The following PCDHGA3 variants were observed in gnomAD, a reference collection of about 807,000 sequenced individuals.
PCDHGA3 encodes protocadherin gamma-A3.
In PCDHGA3, 40 loss-of-function variants were observed where a neutral mutation model predicts 58.5. The ratio of observed to expected loss-of-function variants is 0.68; its 90% CI spans 0.53 to 0.89. PCDHGA3 has a LOEUF of 0.89. PCDHGA3 is among the 40% of genes least tolerant of loss of function. PCDHGA3 has a pLI of 0.00. For missense variants in PCDHGA3, 1,223 were observed against 1,195.9 expected, an observed-to-expected ratio of 1.02 and a Z score of -0.33; for synonymous variants, 530 against 525.7, an observed-to-expected ratio of 1.01 and a Z score of -0.11.
At chr5:141,398,071 G>C in intron 1 of PCDHGA3, 1 of 1,587,000 alleles carries the variant, frequency 6.3e-7, no homozygotes, top group South Asian at 1.1e-5. Context: ...ACAATACAGA[G>C]GTTATTTGTA....
At chr5:141,471,892 T>C (rs1429425311) in intron 1 of PCDHGA3, among the ~76,000 whole-genome samples, 1 of 152,166 alleles carries the variant, frequency 6.6e-6, no homozygotes, top group Admixed American at 6.6e-5. Context: ...GCTAGGAAGA[T>C]TGACTACAGA....
At chr5:141,399,722 A>G in intron 1 of PCDHGA3, 4 of 1,613,264 alleles carry the variant, frequency 2.5e-6, no homozygotes, top group Non-Finnish European at 3.4e-6. Context: ...CAGGCCCGCG[A>G]CCAGGGCTCG....
chr5:141,489,148 C>G lies in PCDHGA3; in HGVS notation c.2425-5659C>G. 1 of 895,318 alleles carries G rather than the reference C, an allele frequency of 1.1e-6. No individual in the cohort carries two copies. Among genetic ancestry groups the G allele is most frequent in the Non-Finnish European group, 1.7e-6 (1 of 589,254 alleles). The allele number at this position is 895,318 out of a possible 1,614,324, so 55.5% of individuals were successfully genotyped here. A position where few individuals can be genotyped will look rare whatever the true frequency, so the allele number is the denominator to read the frequency against. ...CAGTTTTTAAGAGGCTGGAAGGAGA[C>G]ATAAGAGACTTCAGCTGCTGCATTC... On this transcript the variant is annotated intron_variant, in intron 1 of 3. Transcript: ENST00000253812. This position sits in a 1 kb window ranked among gnomAD's most constrained non-coding sequence, Gnocchi z 4.5.
intron 3 of PCDHGA3, among the ~76,000 whole-genome samples, chr5:141,510,230 G>A (rs1285202719): frequency 2.7e-5 from 4 of 149,638 alleles, no homozygotes; most frequent in Non-Finnish European, 5.9e-5. Context: ...CCGGGATCGC[G>A]CCACTGCACT....
chr5:141,419,773 C>CAG, intron 1 of PCDHGA3: 1 of 1,614,034 alleles, frequency 6.2e-7, no homozygotes, highest in Non-Finnish European at 8.5e-7. Flanking sequence ...AGGACTCGGT[C>CAG]CGCCAGCGCC....
chr5:141,490,423 T>C lies in PCDHGA3; in HGVS notation c.2425-4384T>C. ...CCTTGATATCTCTCCGGACCTGCCATTTCAGATTAAGCCTTCTGAGAACCA... is the reference window on the plus strand; with the variant it reads ...CCTTGATATCTCTCCGGACCTGCCACTTCAGATTAAGCCTTCTGAGAACCA... On this transcript the variant is annotated intron_variant, in intron 1 of 3. Coordinates refer to ENST00000253812, the MANE Select transcript of PCDHGA3 (RefSeq NM_018916.4). This position sits in a 1 kb window ranked among gnomAD's most constrained non-coding sequence, Gnocchi z 5.4. 6.2e-7 allele frequency: 1 copy of C among 1,614,172 alleles called. No individual in the cohort carries two copies. The highest frequency in any genetic ancestry group is 8.5e-7 in the Non-Finnish European group (1 of 1,180,028).
At chr5:141,370,537 G>C (rs1484817452) in intron 1 of PCDHGA3, 1 of 1,613,924 alleles carries the variant, frequency 6.2e-7, no homozygotes. Context: ...TCGCTGGTAG[G>C]GAACCTCGCC....
chr5:141,510,821 C>G, intron 3 of PCDHGA3, 126 bp from the exon 4 acceptor site: 2 of 1,559,324 alleles, frequency 1.3e-6, no homozygotes, highest in Non-Finnish European at 1.7e-6. Context: ...CCCCTATATT[C>G]CCAGTGCTCA....
chr5:141,389,068 C>T (rs1265953328), intron 1 of PCDHGA3: 2 of 1,613,904 alleles, frequency 1.2e-6, no homozygotes, highest in East Asian at 2.2e-5. Flanking sequence ...ATATTAACTT[C>T]TTCAAGAAAC....
chr5:141,389,818 G>A (rs778055680), intron 1 of PCDHGA3: 1 of 1,613,888 alleles, frequency 6.2e-7, no homozygotes, highest in Non-Finnish European at 8.5e-7. Flanking sequence ...GTCGCCGTGC[G>A]TGACGGTGGA....
At chr5:141,407,524 C>CT (rs2094949017) in intron 1 of PCDHGA3, among the ~76,000 whole-genome samples, 1 of 146,696 alleles carries the variant, frequency 6.8e-6, no homozygotes, top group Admixed American at 6.8e-5. Flanking sequence ...TAGGACTTAA[C>CT]TTATTGTGCA....
intron 1 of PCDHGA3, chr5:141,399,723 C>T: frequency 6.2e-7 from 1 of 1,613,322 alleles, no homozygotes; most frequent in Non-Finnish European, 8.5e-7. Flanking sequence ...AGGCCCGCGA[C>T]CAGGGCTCGC....
intron 1 of PCDHGA3, chr5:141,350,625 A>G: frequency 1.2e-6 from 2 of 1,614,072 alleles, no homozygotes; most frequent in African/African-American, 1.3e-5. Context: ...GTAATCCAAG[A>G]TATTAATGAC....
chr5:141,472,263 C>T (rs978647191), intron 1 of PCDHGA3, among the ~76,000 whole-genome samples: 7 of 152,144 alleles, frequency 4.6e-5, no homozygotes, highest in South Asian at 2.1e-4. Flanking sequence ...ATATTATAGC[C>T]GGGCACAGTG....
chr5:141,366,281 C>A, intron 1 of PCDHGA3: 1 of 1,613,726 alleles, frequency 6.2e-7, no homozygotes, highest in Non-Finnish European at 8.5e-7. Flanking sequence ...AGACCATGGC[C>A]AGCCCCCTCT....
At position 141,481,468 on chromosome 5, in the gene PCDHGA3, G is replaced by A. The variant is rs575259839; in HGVS notation, c.2425-13339G>A. Among the ~76,000 whole-genome samples the A allele has an allele frequency of 2.6e-5, 4 of 152,332 alleles. No homozygotes were observed. In the South Asian group the frequency reaches 8.3e-4, roughly 32 times the overall value. On this transcript the variant is annotated intron_variant, in intron 1 of 3. Transcript: ENST00000253812. Reference sequence around the variant, plus strand: ...CATGTAAATACACTGAAAACCATTGGATTATACACTTTAAATATGTGATTT... The same window carrying A: ...CATGTAAATACACTGAAAACCATTGAATTATACACTTTAAATATGTGATTT...
At chr5:141,350,494 C>T (rs764659811) in intron 1 of PCDHGA3, 6 of 1,613,924 alleles carry the variant, frequency 3.7e-6, no homozygotes, top group Non-Finnish European at 5.1e-6. Context: ...GTTTGGAGAG[C>T]GGGGATTTGT....
At chr5:141,361,983 C>T (rs1762266542) in intron 1 of PCDHGA3, 2 of 1,601,638 alleles carry the variant, frequency 1.2e-6, no homozygotes, top group East Asian at 2.2e-5. Flanking sequence ...AGCCCGGGCT[C>T]TTCAGCCTGG....
intron 2 of PCDHGA3, among the ~76,000 whole-genome samples, chr5:141,501,838 G>A (rs888418141): frequency 6.6e-6 from 1 of 152,000 alleles, no homozygotes; most frequent in African/African-American, 2.4e-5. Flanking sequence ...CACCTGTTTG[G>A]CCCTCAACCT....
Sources: allele counts gnomAD v4.1 joint callset (sites outside exome capture counted in the v4.1 genomes callset), GRCh38; gene constraint gnomAD v4.1.1; non-coding constraint Gnocchi (gnomAD v3.1); transcripts MANE v1.5; gene names NCBI Gene and HGNC (gene_info 2026-07-23, HGNC 2026-07-21).